CDKAL1: variants seen among roughly 807,000 people sequenced by gnomAD.
The protein encoded by CDKAL1 is threonylcarbamoyladenosine tRNA methylthiotransferase.
A neutral mutation model predicts 68.2 loss-of-function variants in CDKAL1; 32 were observed. The ratio of observed to expected loss-of-function variants is 0.47; its 90% CI spans 0.35 to 0.63. The LOEUF is 0.63. CDKAL1 is among the 30% of genes least tolerant of loss of function. The pLI is 0.00. For synonymous variants in CDKAL1, 234 were observed against 244.3 expected (o/e 0.96, Z 0.39); for missense variants, 606 against 696.7 (o/e 0.87, Z 1.47).
intron 10 of CDKAL1, among the ~76,000 whole-genome samples, chr6:20,974,768 C>T (rs895890219): frequency 2.0e-5 from 3 of 148,760 alleles, no homozygotes; most frequent in African/African-American, 7.5e-5. Context: ...TGCTTGAGCT[C>T]AGGAGTTCGA....
intron 9 of CDKAL1, among the ~76,000 whole-genome samples, chr6:20,881,368 T>C (rs540710493): frequency 6.6e-6 from 1 of 152,288 alleles, no homozygotes; most frequent in African/African-American, 2.4e-5. Flanking sequence ...CCATATATAA[T>C]CATAGCATAT....
intron 9 of CDKAL1, among the ~76,000 whole-genome samples, chr6:20,880,969 C>T (rs1760783206): frequency 6.6e-6 from 1 of 152,146 alleles, no homozygotes; most frequent in African/African-American, 2.4e-5. Flanking sequence ...CAGGCATCTT[C>T]CTTTCCCACA....
chr6:21,136,557 G>A (rs1390160593), intron 13 of CDKAL1, among the ~76,000 whole-genome samples: 1 of 152,188 alleles, frequency 6.6e-6, no homozygotes, highest in African/African-American at 2.4e-5. Context: ...AAAGCACAAA[G>A]TATTCAGTGC....
At chr6:21,079,972 G>C (rs1772287706) in intron 12 of CDKAL1, among the ~76,000 whole-genome samples, 1 of 140,518 alleles carries the variant, frequency 7.1e-6, no homozygotes, top group Non-Finnish European at 1.5e-5. Flanking sequence ...TATCAACTTT[G>C]TCTCTGTGTG....
At chr6:20,868,869 A>G (rs189612841) in intron 9 of CDKAL1, among the ~76,000 whole-genome samples, 3 of 152,350 alleles carry the variant, frequency 2.0e-5, no homozygotes, top group Non-Finnish European at 4.4e-5. Flanking sequence ...TGAAAATGAA[A>G]GGGATTGATA....
rs577351737 is a variant in CDKAL1 at position 21,165,545 on chromosome 6, A to G, written c.1300-32476A>G. ...CCTTCATTTTGCTTTACAGAGAAGG[A>G]AATATTGAAGTTAAATGCTCTGATT... On this transcript the variant is annotated intron_variant, in intron 13 of 15. Coordinates refer to ENST00000274695, the MANE Select transcript of CDKAL1 (RefSeq NM_017774.3). Among the ~76,000 whole-genome samples, 279 of 152,340 alleles carry G rather than the reference A, an allele frequency of 1.8e-3. 1 individual carries two copies. Among genetic ancestry groups the G allele is most frequent in the Middle Eastern group, 6.8e-3 (2 of 294 alleles).
intron 8 of CDKAL1, among the ~76,000 whole-genome samples, chr6:20,836,607 G>A (rs575691258): frequency 1.3e-5 from 2 of 152,230 alleles, no homozygotes; most frequent in Admixed American, 6.5e-5. Flanking sequence ...TTAAATTGAC[G>A]TATTTCCTCT....
At chr6:20,862,635 T>TTG (rs56736298) in intron 9 of CDKAL1, among the ~76,000 whole-genome samples, 14,510 of 149,132 alleles carry the variant, frequency 0.097, 810 homozygotes, top group East Asian at 0.28. Flanking sequence ...TCTTTCCAAC[T>TTG]TGTGTGTGTG....
chr6:20,945,520 T>C (rs536694376), intron 9 of CDKAL1, among the ~76,000 whole-genome samples: 1 of 152,304 alleles, frequency 6.6e-6, no homozygotes, highest in East Asian at 1.9e-4. Context: ...CTATTCATTT[T>C]CCTACCTCAT....
intron 2 of CDKAL1, among the ~76,000 whole-genome samples, chr6:20,540,735 C>T (rs1763359002): frequency 6.6e-6 from 1 of 152,168 alleles, no homozygotes. Flanking sequence ...GGATTACAGG[C>T]GTGAGCCACC....
intron 4 of CDKAL1, among the ~76,000 whole-genome samples, chr6:20,620,285 T>C (rs1412211797): frequency 6.6e-6 from 1 of 152,212 alleles, no homozygotes; most frequent in Non-Finnish European, 1.5e-5. Flanking sequence ...TCAAAGACTT[T>C]CTATTTTTAT....
chr6:21,172,339 G>C (rs897047970), intron 13 of CDKAL1, among the ~76,000 whole-genome samples: 1 of 152,156 alleles, frequency 6.6e-6, no homozygotes, highest in African/African-American at 2.4e-5. Flanking sequence ...CCCGTGGTCA[G>C]GGTTTTCCAG....
chr6:20,966,706 TAAA>T (rs534572199), intron 10 of CDKAL1, among the ~76,000 whole-genome samples: 14 of 152,172 alleles, frequency 9.2e-5, no homozygotes, highest in Admixed American at 5.2e-4. Context: ...TATATGGTCA[TAAA>T]AAAGTAGTCT....
intron 5 of CDKAL1, among the ~76,000 whole-genome samples, chr6:20,721,205 T>C (rs62397652): frequency 0.037 from 5,490 of 147,036 alleles, 111 homozygotes; most frequent in Middle Eastern, 0.085. Flanking sequence ...AGTGAGAACA[T>C]GTGGTGTTTG....
intron 5 of CDKAL1, among the ~76,000 whole-genome samples, chr6:20,689,374 G>A (rs966364303): frequency 4.6e-5 from 7 of 152,192 alleles, no homozygotes; most frequent in Non-Finnish European, 8.8e-5. Flanking sequence ...ACTCGTTCCC[G>A]TGGAGGTTTG....
At chr6:21,142,004 C>G (rs1022292904) in intron 13 of CDKAL1, among the ~76,000 whole-genome samples, 3 of 151,984 alleles carry the variant, frequency 2.0e-5, no homozygotes, top group East Asian at 3.9e-4. Context: ...TCTTATAAAT[C>G]AATTGGTTCC....
At chr6:21,088,251 A>G (rs1387800090) in intron 12 of CDKAL1, among the ~76,000 whole-genome samples, 1 of 152,222 alleles carries the variant, frequency 6.6e-6, no homozygotes, top group African/African-American at 2.4e-5. Context: ...ATCTGGGTCA[A>G]CAGAGATCTG....
chr6:21,045,455 G>A (rs1770172588), intron 11 of CDKAL1, among the ~76,000 whole-genome samples: 1 of 152,096 alleles, frequency 6.6e-6, no homozygotes. Flanking sequence ...TGAGTCAGGG[G>A]CTAGTTGTAC....
intron 11 of CDKAL1, among the ~76,000 whole-genome samples, chr6:21,034,607 C>T (rs1291072471): frequency 6.6e-6 from 1 of 152,068 alleles, no homozygotes; most frequent in Non-Finnish European, 1.5e-5. Context: ...GTGATCTGTA[C>T]CTAATAAAGC....
Sources: gnomAD v4.1 joint callset for allele counts (sites outside exome capture counted in the v4.1 genomes callset) on GRCh38, gnomAD v4.1.1 for gene constraint, MANE v1.5 for transcripts, NCBI Gene and HGNC (gene_info 2026-07-23, HGNC 2026-07-21) for gene names.